The following ALK variants were observed in gnomAD, a reference collection of about 807,000 sequenced individuals.
ALK encodes ALK tyrosine kinase receptor.
ALK carries 74 observed loss-of-function variants against 163.1 expected under a neutral mutation model. That is an observed-to-expected ratio of 0.45 (90% confidence interval 0.38 to 0.55). ALK has a LOEUF of 0.55. ALK is among the 20% of genes least tolerant of loss of function. The pLI is 0.00. For synonymous variants in ALK, 960 were observed against 843.2 expected (o/e 1.14, Z -2.40); for missense variants, 2,063 against 2,105.3 (o/e 0.98, Z 0.39).
intron 8 of ALK, among the ~76,000 whole-genome samples, chr2:29,302,564 C>A (rs1032836426): frequency 2.0e-5 from 3 of 152,130 alleles, no homozygotes; most frequent in African/African-American, 4.8e-5. Flanking sequence ...TATAATGATA[C>A]CTCCTATGTT....
chr2:29,564,064 T>C (rs371283244), intron 3 of ALK, among the ~76,000 whole-genome samples: 22 of 152,094 alleles, frequency 1.4e-4, no homozygotes, highest in Admixed American at 1.3e-4. Context: ...TCTTCTCAGA[T>C]TGCTGGCTCC....
intron 3 of ALK, among the ~76,000 whole-genome samples, chr2:29,627,479 G>T (rs748506273): frequency 1.3e-5 from 2 of 151,652 alleles, no homozygotes; most frequent in Non-Finnish European, 3.0e-5. Context: ...TGTTTATGTT[G>T]TGTGAACAGC....
At chr2:29,298,168 T>C (rs1020175816) in intron 8 of ALK, among the ~76,000 whole-genome samples, 7 of 152,194 alleles carry the variant, frequency 4.6e-5, no homozygotes, top group Admixed American at 2.6e-4. Context: ...CACCAGGGCA[T>C]TGGGGCCCCC....
intron 2 of ALK, among the ~76,000 whole-genome samples, chr2:29,712,500 T>C (rs780381122): frequency 1.1e-4 from 17 of 152,182 alleles, no homozygotes; most frequent in African/African-American, 4.1e-4. Context: ...GCCAGCCACA[T>C]TAAATACGTA....
In ALK at chr2:29,278,449, G is replaced by A. The variant is rs61067155; in HGVS notation, c.1818-2953C>T. ...GACCAGGAGAGGAGGCAGAGGCAGG[G>A]GAGACAGCATGAGAGGCATTTCTGC... On this transcript the variant is annotated intron_variant, in intron 9 of 28. Transcript: ENST00000389048. 7.5e-3 allele frequency among the ~76,000 whole-genome samples: 1,139 copies of A among 152,216 alleles called. 24 individuals carry two copies. Among genetic ancestry groups the A allele is most frequent in the African/African-American group, 0.025 (1,055 of 41,518 alleles).
intron 3 of ALK, among the ~76,000 whole-genome samples, chr2:29,665,338 C>T (rs930348694): frequency 5.9e-5 from 9 of 151,988 alleles, no homozygotes; most frequent in East Asian, 1.9e-4. Flanking sequence ...CCTAACCTCC[C>T]GCTTTTCCCT....
At position 29,227,792 on chromosome 2, in the gene ALK, G is replaced by C; in HGVS notation, c.2816-120C>G. On this transcript the variant is annotated intron_variant, in intron 16 of 28. Coordinates refer to ENST00000389048, the MANE Select transcript of ALK (RefSeq NM_004304.5). The surrounding 1 kb of genome is among the most constrained non-coding windows in gnomAD (Gnocchi z 4.4). Reference sequence around the variant, plus strand: ...GTTAGGGGGTCACTGGGGACCTCAGGGGCAGGGATGCGGGGAGGGAAGGGA... The same window carrying C: ...GTTAGGGGGTCACTGGGGACCTCAGCGGCAGGGATGCGGGGAGGGAAGGGA... The C allele has an allele frequency of 2.6e-6, 2 of 762,196 alleles. No homozygotes were observed. Among genetic ancestry groups the C allele is most frequent in the Non-Finnish European group, 4.6e-6 (2 of 432,786 alleles). 47.2% of individuals were successfully genotyped at this position (762,196 alleles called of 1,614,324 possible).
At chr2:29,315,574 T>C (rs1666810574) in intron 8 of ALK, among the ~76,000 whole-genome samples, 1 of 152,098 alleles carries the variant, frequency 6.6e-6, no homozygotes, top group African/African-American at 2.4e-5. Flanking sequence ...TCAGTGCACC[T>C]CCAAATCACC....
chr2:29,272,619 G>A (rs754158972), intron 11 of ALK, among the ~76,000 whole-genome samples: 3 of 152,200 alleles, frequency 2.0e-5, no homozygotes, highest in Admixed American at 6.5e-5. Flanking sequence ...AAGCCTGCCC[G>A]GAGGAGAGTT....
intron 5 of ALK, among the ~76,000 whole-genome samples, chr2:29,379,806 G>A (rs1277022228): frequency 6.6e-6 from 1 of 152,192 alleles, no homozygotes; most frequent in Non-Finnish European, 1.5e-5. Flanking sequence ...CTGCGTATAT[G>A]AAGAATATAG....
intron 3 of ALK, among the ~76,000 whole-genome samples, chr2:29,563,020 A>C (rs1291779584): frequency 6.6e-6 from 1 of 152,184 alleles, no homozygotes; most frequent in Admixed American, 6.5e-5. Context: ...GCTGCTCCTT[A>C]TGTGGCTTTA....
chr2:29,252,387 G>A (rs188188720), intron 11 of ALK, among the ~76,000 whole-genome samples: 1 of 152,326 alleles, frequency 6.6e-6, no homozygotes, highest in Non-Finnish European at 1.5e-5. Flanking sequence ...TTAAGTTCTA[G>A]TCTAAGGAAA....
At chr2:29,627,813 T>C (rs1676240577) in intron 3 of ALK, among the ~76,000 whole-genome samples, 1 of 152,208 alleles carries the variant, frequency 6.6e-6, no homozygotes, top group Admixed American at 6.5e-5. Context: ...ATTTATTCAT[T>C]ACCATTTAAG....
chr2:29,860,978 C>G (rs560342813), intron 1 of ALK, among the ~76,000 whole-genome samples: 7 of 152,228 alleles, frequency 4.6e-5, no homozygotes, highest in Non-Finnish European at 7.4e-5. Flanking sequence ...CGAGACCAAC[C>G]TGGGCAACAT....
chr2:29,742,971 A>G (rs1680102700), intron 1 of ALK, among the ~76,000 whole-genome samples: 1 of 152,246 alleles, frequency 6.6e-6, no homozygotes, highest in Admixed American at 6.5e-5. Context: ...TCAGCCAAAT[A>G]TCACAATAAT....
intron 4 of ALK, among the ~76,000 whole-genome samples, chr2:29,504,259 C>T (rs988730506): frequency 6.6e-6 from 1 of 151,892 alleles, no homozygotes; most frequent in Admixed American, 6.6e-5. Context: ...AGTGTGGGGA[C>T]GCTGTGTGAG....
rs1199283071 is a variant in ALK, at chr2:29,549,533, G to A, written c.953-17417C>T. 5.3e-5 allele frequency among the ~76,000 whole-genome samples: 8 copies of A among 152,272 alleles called. No individual in the cohort carries two copies. In the East Asian group the frequency reaches 1.2e-3, roughly 22 times the overall value. ...TTTGAGTATTTGAAATGTGGCTGACGTGACTGAAGAACTGAATTTATTTTA... is the reference window on the plus strand; with the variant it reads ...TTTGAGTATTTGAAATGTGGCTGACATGACTGAAGAACTGAATTTATTTTA... On this transcript the variant is annotated intron_variant, in intron 3 of 28. Coordinates refer to ENST00000389048, the MANE Select transcript of ALK (RefSeq NM_004304.5).
rs182240600 is a variant in ALK, at chr2:29,698,307, A to G, written c.788-3293T>C. On this transcript the variant is annotated intron_variant, in intron 2 of 28. Transcript: ENST00000389048. The stretch of plus-strand genomic sequence containing the variant: ...TTGTACTTTGCAACACCAAAGTGAC[A>G]TAGGAAGGATTAGCCATGAAACATG... Among the ~76,000 whole-genome samples, 264 of 152,302 alleles carry G rather than the reference A, an allele frequency of 1.7e-3. 2 individuals carry two copies. Among genetic ancestry groups the G allele is most frequent in the African/African-American group, 6.0e-3 (251 of 41,584 alleles).
At chr2:29,529,649 G>C (rs1673062732) in intron 4 of ALK, among the ~76,000 whole-genome samples, 2 of 152,248 alleles carry the variant, frequency 1.3e-5, no homozygotes, top group South Asian at 4.1e-4. Context: ...GCACCCACAA[G>C]AGTAGCTCTG....
Sources: gnomAD v4.1 joint callset for allele counts (sites outside exome capture counted in the v4.1 genomes callset) on GRCh38, gnomAD v4.1.1 for gene constraint, Gnocchi (gnomAD v3.1) non-coding constraint, MANE v1.5 for transcripts, NCBI Gene and HGNC (gene_info 2026-07-23, HGNC 2026-07-21) for gene names.